Variants in KLK10 observed in about 807,000 individuals in gnomAD.
KLK10 encodes kallikrein-10.
KLK10 carries 27 observed loss-of-function variants against 25.7 expected under a neutral mutation model. The ratio of observed to expected loss-of-function variants is 1.05; its 90% CI spans 0.77 to 1.45. KLK10 has a LOEUF of 1.45. Among genes scored for constraint, KLK10 ranks in the 40% most tolerant of loss-of-function variants. KLK10 has a pLI of 0.00. For synonymous variants in KLK10, 173 were observed against 160.1 expected (o/e 1.08, Z -0.61); for missense variants, 386 against 370.0 (o/e 1.04, Z -0.35).
At position 51,014,024 on chromosome 19, in the gene KLK10, G is replaced by A. The variant is rs554008581; in HGVS notation, c.*776C>T. ...CCCTTGAGTTCAGTGGCCTCATGAA[G>A]GCAGAGAAGGTGCTAATGACTCAGG... On this transcript the variant is annotated 3_prime_UTR_variant, in exon 6 of 6. Transcript: ENST00000358789. 1 of 152,414 alleles carries A rather than the reference G, an allele frequency of 6.6e-6. No individual in the cohort carries two copies. The highest frequency in any genetic ancestry group is 6.5e-5 in the Admixed American group (1 of 15,284). The allele number at this position is 152,414 out of a possible 1,614,324, so 9.4% of individuals were successfully genotyped here. A position where few individuals can be genotyped will look rare whatever the true frequency, so the allele number is the denominator to read the frequency against.
rs2091286737 is a variant in KLK10, at chr19:51,013,355, T to G, written c.*1445A>C. On this transcript the variant is annotated 3_prime_UTR_variant, in exon 6 of 6. Coordinates refer to ENST00000358789, the MANE Select transcript of KLK10 (RefSeq NM_145888.3). The stretch of plus-strand genomic sequence containing the variant: ...AAAAACCCCGTGCTTAATGGGAAAT[T>G]TCTGTTGTGCCTATATTCAGCTAGC... The G allele has an allele frequency of 6.6e-6, 1 of 152,156 alleles. No individual in the cohort carries two copies. Among genetic ancestry groups the G allele is most frequent in the African/African-American group, 2.4e-5 (1 of 41,438 alleles). 9.4% of individuals were successfully genotyped at this position (152,156 alleles called of 1,614,324 possible).
intron 4 of KLK10, 130 bp downstream of exon 4, chr19:51,015,752 A>G (rs555236601): frequency 9.0e-7 from 1 of 1,105,722 alleles, no homozygotes; most frequent in Admixed American, 2.9e-5. Context: ...AGACCCAGGC[A>G]TCTAGGACCC....
rs2091289971 is a variant in KLK10, at chr19:51,013,778, C to T, written c.*1022G>A. Reference sequence around the variant, plus strand: ...GGATTCTGTGTATTAACTCCCCTTCCCTCCCCCAATTTCAGGGAGAATCAA... The same window carrying T: ...GGATTCTGTGTATTAACTCCCCTTCTCTCCCCCAATTTCAGGGAGAATCAA... On this transcript the variant is annotated 3_prime_UTR_variant, in exon 6 of 6. Transcript: ENST00000358789. 6.5e-6 allele frequency: 1 copy of T among 153,736 alleles called. No homozygotes were observed. The highest frequency in any genetic ancestry group is 1.5e-5 in the Non-Finnish European group (1 of 68,062). 9.5% of individuals were successfully genotyped at this position (153,736 alleles called of 1,614,324 possible). A position where few individuals can be genotyped will look rare whatever the true frequency, so the allele number is the denominator to read the frequency against.
In KLK10 at chr19:51,019,055, C is replaced by T. The variant is rs2091374791; in HGVS notation, c.76G>A (p.Ala26Thr). The T allele has an allele frequency of 6.2e-7, 1 of 1,604,850 alleles. No homozygotes were observed. Among genetic ancestry groups the T allele is most frequent in the Non-Finnish European group, 8.5e-7 (1 of 1,179,244 alleles). The change falls in exon 2 of 6, where the codon GCG (alanine) becomes ACG (threonine). Residue 26 changes from alanine (A) to threonine (T), a missense_variant. Coordinates refer to ENST00000358789, the MANE Select transcript of KLK10 (RefSeq NM_145888.3). This position sits in a 1 kb window ranked among gnomAD's most constrained non-coding sequence, Gnocchi z 4.2. The part of the protein sequence containing the change: ...ALAKLLPLLM[A>T]QLWAAEAALL... ...CCCCCGACCTTACCCCAGAGTTGCGCCATCAGCAGCGGCAGCAGCTTCGCC... is the reference window on the plus strand; with the variant it reads ...CCCCCGACCTTACCCCAGAGTTGCGTCATCAGCAGCGGCAGCAGCTTCGCC...
intron 3 of KLK10, among the ~76,000 whole-genome samples, 166 bp downstream of exon 3, chr19:51,016,944 C>T (rs2569451): frequency 0.6 from 91,505 of 151,946 alleles, 28,173 homozygotes; most frequent in African/African-American, 0.72. Context: ...GACCACACCG[C>T]CCCCTGGCGG....
At chr19:51,016,373 C>A (rs1342703781) in intron 3 of KLK10, among the ~76,000 whole-genome samples, 2 of 151,872 alleles carry the variant, frequency 1.3e-5, no homozygotes, top group Non-Finnish European at 2.9e-5. Context: ...CCTAGGTAAG[C>A]CTTCCACATT....
At position 51,015,448 on chromosome 19, in the gene KLK10, G is replaced by A. The variant is rs2091312106; in HGVS notation, c.647C>T (p.Ala216Val). 1 of 1,613,802 alleles carries A rather than the reference G, an allele frequency of 6.2e-7. No individual in the cohort carries two copies. Among genetic ancestry groups the A allele is most frequent in the Non-Finnish European group, 8.5e-7 (1 of 1,179,886 alleles). Residue 216 changes from alanine (A) to valine (V), a missense_variant, in exon 5 of 6, where the codon GCT becomes GTT. Coordinates refer to ENST00000358789, the MANE Select transcript of KLK10 (RefSeq NM_145888.3). ...AGGGTCCTGGCCCCGGTCCAGTCCA[G>A]CACATATCATGTTGTTGGTGACCAC... ...PGVVTNNMIC[A>V]GLDRGQDPCQ...
In KLK10 at chr19:51,019,283, C is replaced by A; in HGVS notation, c.-9-144G>T. On this transcript the variant is annotated intron_variant, in intron 1 of 5. Coordinates refer to ENST00000358789, the MANE Select transcript of KLK10 (RefSeq NM_145888.3). This position sits in a 1 kb window ranked among gnomAD's most constrained non-coding sequence, Gnocchi z 4.2. The stretch of plus-strand genomic sequence containing the variant: ...GCCGATAACCCCAGGGGCTGGCAGA[C>A]GGGAGATTCGGGCTGGAACAGCGGT... 5.2e-6 allele frequency: 3 copies of A among 574,796 alleles called. No homozygotes were observed. Among genetic ancestry groups the A allele is most frequent in the Non-Finnish European group, 9.2e-6 (3 of 325,932 alleles). The allele number at this position is 574,796 out of a possible 1,614,324, so 35.6% of individuals were successfully genotyped here. A position where few individuals can be genotyped will look rare whatever the true frequency, so the allele number is the denominator to read the frequency against.
At chr19:51,019,726 A>T (rs1395302118), upstream of KLK10, 1 of 151,908 alleles carries the variant, frequency 6.6e-6, no homozygotes, top group East Asian at 1.9e-4. The surrounding 1 kb of genome is among the most constrained non-coding windows in gnomAD (Gnocchi z 4.2). Flanking sequence ...CCCTGGCGGG[A>T]CCTTCCCTTT....
Position 51,017,163 on chromosome 19 carries a change from C to A in KLK10, c.216G>T (p.Ala72=), listed in dbSNP as rs143318687. ...SLFNGLSFHC[A]GVLVDQSWVL... ...CCCAACTCTGGTCCACCAGGACACCCGCGCAGTGGAACGAGAGGCCGTTGA... is the reference window on the plus strand; with the variant it reads ...CCCAACTCTGGTCCACCAGGACACCAGCGCAGTGGAACGAGAGGCCGTTGA... The change falls in exon 3 of 6, where the codon GCG becomes GCT. Residue 72 remains alanine (A), a synonymous_variant. Coordinates refer to ENST00000358789, the MANE Select transcript of KLK10 (RefSeq NM_145888.3). 5.7e-5 allele frequency: 92 copies of A among 1,611,818 alleles called. No homozygotes were observed. In the South Asian group the frequency reaches 6.7e-4, roughly 12 times the overall value.
chr19:51,017,037 G>C (rs1600140368), intron 3 of KLK10, 73 bp downstream of exon 3: 2 of 1,397,300 alleles, frequency 1.4e-6, no homozygotes, highest in South Asian at 2.9e-5. Flanking sequence ...GAGAGACCCC[G>C]CCCTGCCCGC....
chr19:51,019,141 T>C lies in KLK10; in HGVS notation c.-9-2A>G, dbSNP rs1412342778. 6.2e-7 allele frequency: 1 copy of C among 1,603,094 alleles called. No homozygotes were observed. Among genetic ancestry groups the C allele is most frequent in the African/African-American group, 1.3e-5 (1 of 74,780 alleles). On this transcript the variant is annotated splice_acceptor_variant, in intron 1 of 5. Transcript: ENST00000358789. LOFTEE classifies it low-confidence loss of function (5UTR_SPLICE). The surrounding 1 kb of genome is among the most constrained non-coding windows in gnomAD (Gnocchi z 4.2). ...GTGCGGAGCTCTCATGGCCAGGATCTGCTGGGGTGTGTGCAGGGGCGGGTT... is the reference window on the plus strand; with the variant it reads ...GTGCGGAGCTCTCATGGCCAGGATCCGCTGGGGTGTGTGCAGGGGCGGGTT...
rs150445404 is a variant in KLK10, at chr19:51,014,859, C to G, written c.772G>C (p.Val258Leu). The G allele has an allele frequency of 6.9e-5, 111 of 1,614,052 alleles. No homozygotes were observed. The African/African-American group carries it at 1.3e-3, about 19-fold the overall frequency. Reference sequence around the variant, plus strand: ...ATGTATTTGCAGATCTGGGTGTAGACAGCTGGATGCTGGGCAGAGCCACAG... The same window carrying G: ...ATGTATTTGCAGATCTGGGTGTAGAGAGCTGGATGCTGGGCAGAGCCACAG... ...YPCGSAQHPA[V>L]YTQICKYMSW... is the part of the protein sequence containing the mutation. Residue 258 changes from valine to leucine, a missense_variant, in exon 6 of 6, where the codon GTC (valine) becomes CTC (leucine). Physicochemically the swap from Val to Leu is conservative, Grantham distance 32. Coordinates refer to ENST00000358789, the MANE Select transcript of KLK10 (RefSeq NM_145888.3).
Position 51,014,959 on chromosome 19 carries a change from G to T in KLK10, c.679-7C>A. The T allele has an allele frequency of 3.1e-6, 5 of 1,612,152 alleles. No homozygotes were observed. The highest frequency in any genetic ancestry group is 4.2e-6 in the Non-Finnish European group (5 of 1,179,344). Reference sequence around the variant, plus strand: ...GGGGGCCTCCAGAGTCACTCTGGGGGTGGCAGGAAGGAGAGATCAAATAAA... The same window carrying T: ...GGGGGCCTCCAGAGTCACTCTGGGGTTGGCAGGAAGGAGAGATCAAATAAA... On this transcript the variant is annotated splice_region_variant and splice_polypyrimidine_tract_variant and intron_variant, in intron 5 of 5. Transcript: ENST00000358789.
rs1297886800 is a variant in KLK10 at position 51,017,734 on chromosome 19, A to AGC, written c.89-446_89-445dup. Among the ~76,000 whole-genome samples the AGC allele has an allele frequency of 5.3e-5, 8 of 152,160 alleles. 1 individual carries two copies. Among genetic ancestry groups the AGC allele is most frequent in the African/African-American group, 1.9e-4 (8 of 41,512 alleles). Reference sequence around the variant, plus strand: ...CGCAGTGGTTTACGCCTGTAATCCCAGCACTTTGGGAAGCCGAGGCGGTTG... The same window carrying AGC: ...CGCAGTGGTTTACGCCTGTAATCCCAGCGCACTTTGGGAAGCCGAGGCGGTTG... On this transcript the variant is annotated intron_variant, in intron 2 of 5. Coordinates refer to ENST00000358789, the MANE Select transcript of KLK10 (RefSeq NM_145888.3).
intron 3 of KLK10, 111 bp from the exon 4 acceptor site, chr19:51,016,267 G>A: frequency 8.1e-7 from 1 of 1,232,338 alleles, no homozygotes; most frequent in East Asian, 2.6e-5. Flanking sequence ...AGAGGGCCTT[G>A]TGGGAGAAGG....
chr19:51,015,662 A>T, intron 4 of KLK10, 112 bp from the exon 5 acceptor site: 1 of 1,299,886 alleles, frequency 7.7e-7, no homozygotes, highest in East Asian at 2.3e-5. Context: ...CCTCCTTCAG[A>T]CTCAAGAATC....
At position 51,017,223 on chromosome 19, in the gene KLK10, G is replaced by A. The variant is rs1001513239; in HGVS notation, c.156C>T (p.Cys52=). ...RLDPEAYGSP[C]ARGSQPWQVS... ...CCTGCCAGGGCTGCGAGCCGCGCGC[G>A]CACGGGGAGCCATAGGCTTCGGGGT... is the stretch of plus-strand genomic sequence containing the variant. Residue 52 remains cysteine, a synonymous_variant, in exon 3 of 6, where the codon TGC becomes TGT. Transcript: ENST00000358789. The A allele has an allele frequency of 5.0e-6, 8 of 1,612,116 alleles. No homozygotes were observed. The African/African-American group carries it at 5.3e-5, about 11-fold the overall frequency.
intron 2 of KLK10, 130 bp downstream of exon 2, chr19:51,018,913 T>C: frequency 2.8e-6 from 2 of 705,962 alleles, no homozygotes; most frequent in Admixed American, 4.8e-5. Flanking sequence ...CGGGCCGTGC[T>C]CCGGAGCGCT....
Sources: allele counts gnomAD v4.1 joint callset (sites outside exome capture counted in the v4.1 genomes callset), GRCh38; gene constraint gnomAD v4.1.1; non-coding constraint Gnocchi (gnomAD v3.1); transcripts MANE v1.5; gene names NCBI Gene and HGNC (gene_info 2026-07-23, HGNC 2026-07-21).